The following ZNF330 variants were observed in gnomAD, a reference collection of about 807,000 sequenced individuals.
The protein encoded by ZNF330 is zinc finger protein 330.
A neutral mutation model predicts 45.5 loss-of-function variants in ZNF330; 31 were observed. That is an observed-to-expected ratio of 0.68 (90% confidence interval 0.51 to 0.92). ZNF330 has a LOEUF of 0.92. Among genes scored for constraint, ZNF330 ranks in the 40% least tolerant of loss-of-function variants. ZNF330 has a pLI of 0.00. For missense variants in ZNF330, 356 were observed against 387.4 expected (o/e 0.92, Z 0.68); for synonymous variants, 138 against 123.2 (o/e 1.12, Z -0.79).
At position 141,231,495 on chromosome 4, in the gene ZNF330, T is replaced by C. The variant is rs761162360; in HGVS notation, c.570+10T>C. 1 of 1,582,036 alleles carries C rather than the reference T, an allele frequency of 6.3e-7. No individual in the cohort carries two copies. The highest frequency in any genetic ancestry group is 1.8e-5 in the Admixed American group (1 of 54,720). ...ATGTCTCCGTTGTAAGGTATACCAA[T>C]GCGTTTTTTTCTTTTTAGATTTTGT... On this transcript the variant is annotated intron_variant, in intron 8 of 9. Coordinates refer to ENST00000262990, the MANE Select transcript of ZNF330 (RefSeq NM_014487.6).
chr4:141,226,673 C>T, intron 4 of ZNF330, 94 bp from the exon 5 acceptor site: 1 of 856,624 alleles, frequency 1.2e-6, no homozygotes, highest in Non-Finnish European at 1.9e-6. Flanking sequence ...TAAATTATTT[C>T]CTCAGGAACT....
rs765162775 is a variant in ZNF330 at position 141,231,512 on chromosome 4, A to G, written c.570+27A>G. ...TATACCAATGCGTTTTTTTCTTTTT[A>G]GATTTTGTTTTTAATCTCTATACCC... On this transcript the variant is annotated intron_variant, in intron 8 of 9. Transcript: ENST00000262990. The G allele has an allele frequency of 9.5e-6, 15 of 1,571,372 alleles. No individual in the cohort carries two copies. The East Asian group carries it at 3.5e-4, about 37-fold the overall frequency.
At position 141,234,138 on chromosome 4, in the gene ZNF330, G is replaced by T; in HGVS notation, c.*149G>T. The stretch of plus-strand genomic sequence containing the variant: ...AATGGGCCAAGCAATAGGGTGTAGC[G>T]TTTTTATAGAACTGATAATCAGGCT... On this transcript the variant is annotated 3_prime_UTR_variant, in exon 10 of 10. Transcript: ENST00000262990. 1 of 1,365,764 alleles carries T rather than the reference G, an allele frequency of 7.3e-7. No individual in the cohort carries two copies. The highest frequency in any genetic ancestry group is 9.5e-7 in the Non-Finnish European group (1 of 1,053,622). 84.6% of individuals were successfully genotyped at this position (1,365,764 alleles called of 1,614,324 possible).
intron 4 of ZNF330, among the ~76,000 whole-genome samples, chr4:141,226,300 A>G (rs906625716): frequency 1.3e-5 from 2 of 152,170 alleles, no homozygotes; most frequent in Admixed American, 1.3e-4. Context: ...GATAAGTTAC[A>G]TAATCATTAT....
chr4:141,229,473 A>G, intron 5 of ZNF330, 98 bp from the exon 6 acceptor site: 1 of 1,493,728 alleles, frequency 6.7e-7, no homozygotes, highest in Non-Finnish European at 9.2e-7. Context: ...GGGTTGATAA[A>G]TTGCTAAATG....
At chr4:141,224,723 G>T in intron 4 of ZNF330, 46 bp downstream of exon 4, 1 of 1,545,228 alleles carries the variant, frequency 6.5e-7, no homozygotes, top group Non-Finnish European at 8.9e-7. Flanking sequence ...TCAACTGGTA[G>T]TTCAACAATT....
chr4:141,223,867 C>T (rs972424616), intron 2 of ZNF330: 3 of 448,190 alleles, frequency 6.7e-6, no homozygotes, highest in African/African-American at 6.0e-5. Context: ...AGGCACTTTT[C>T]AGGGAAAAGT....
In ZNF330 at chr4:141,226,863, C is replaced by G. The variant is rs372536779; in HGVS notation, c.291+17C>G. The G allele has an allele frequency of 6.3e-7, 1 of 1,584,020 alleles. No homozygotes were observed. Among genetic ancestry groups the G allele is most frequent in the Non-Finnish European group, 8.6e-7 (1 of 1,159,790 alleles). On this transcript the variant is annotated intron_variant, in intron 5 of 9. Coordinates refer to ENST00000262990, the MANE Select transcript of ZNF330 (RefSeq NM_014487.6). ...GCAATGGTGGTAAGCTTCTTATTATCTCTTAGACTAGTACGTTTTCAAGGA... is the reference window on the plus strand; with the variant it reads ...GCAATGGTGGTAAGCTTCTTATTATGTCTTAGACTAGTACGTTTTCAAGGA...
Position 141,220,897 on chromosome 4 carries a change from TG to T in ZNF330, c.-217del, listed in dbSNP as rs1728654453. ...TATGACGTCAGCCGTAAGGCGCTGC[TG>T]TCGTAAAAGGACGTCCGGTCCGTCT... On this transcript the variant is annotated 5_prime_UTR_variant, in exon 1 of 10. Coordinates refer to ENST00000262990, the MANE Select transcript of ZNF330 (RefSeq NM_014487.6). 1 of 152,288 alleles carries T rather than the reference TG, an allele frequency of 6.6e-6. No homozygotes were observed. The highest frequency in any genetic ancestry group is 2.4e-5 in the African/African-American group (1 of 41,472). The allele number at this position is 152,288 out of a possible 1,614,324, so 9.4% of individuals were successfully genotyped here.
intron 7 of ZNF330, 124 bp downstream of exon 7, chr4:141,230,394 CT>C: frequency 1.8e-6 from 1 of 556,936 alleles, no homozygotes; most frequent in Non-Finnish European, 3.1e-6. Flanking sequence ...TTAACTCAGT[CT>C]TTATTTTCTG....
intron 8 of ZNF330, among the ~76,000 whole-genome samples, chr4:141,231,971 C>T (rs929835217): frequency 7.9e-5 from 12 of 152,076 alleles, no homozygotes; most frequent in Admixed American, 6.6e-5. Flanking sequence ...CAACTCTGTT[C>T]TAGTTTTACC....
In ZNF330 at chr4:141,229,537, A is replaced by G. The variant is rs562742900; in HGVS notation, c.292-34A>G. On this transcript the variant is annotated intron_variant, in intron 5 of 9. Coordinates refer to ENST00000262990, the MANE Select transcript of ZNF330 (RefSeq NM_014487.6). ...AAGAATGGTTGCAGGTGGTCAGGTG[A>G]TAATGATTATGTATTCTTGTTCCTT... 63 of 1,611,420 alleles carry G rather than the reference A, an allele frequency of 3.9e-5. 2 individuals are homozygous for G. In the South Asian group the frequency reaches 5.7e-4, roughly 15 times the overall value.
chr4:141,223,023 G>A (rs976899255), intron 2 of ZNF330: 2 of 152,276 alleles, frequency 1.3e-5, no homozygotes, highest in Non-Finnish European at 2.9e-5. Context: ...GAGTTATTCC[G>A]GTTCTCTCTA....
rs143989262 is a variant in ZNF330, at chr4:141,229,640, G to A, written c.361G>A (p.Ala121Thr). The A allele has an allele frequency of 6.2e-7, 1 of 1,613,068 alleles. No homozygotes were observed. The highest frequency in any genetic ancestry group is 8.5e-7 in the Non-Finnish European group (1 of 1,179,358). Residue 121 changes from alanine (A) to threonine (T), a missense_variant, in exon 6 of 10, where the codon GCC (alanine) becomes ACC (threonine). Physicochemically the swap from Ala to Thr is moderately conservative, Grantham distance 58. Coordinates refer to ENST00000262990, the MANE Select transcript of ZNF330 (RefSeq NM_014487.6). ...GRKCLSTHAC[A>T]CPLTDAECVE... ...GAAATGTCTCAGTACACATGCTTGT[G>A]CCTGCCCTCTTACCGATGCTGAGTG...
In ZNF330 at chr4:141,231,440, T is replaced by C; in HGVS notation, c.525T>C (p.Cys175=). ...CQVLEAETFK[C]VSCNRLGQHS... is the part of the protein sequence containing the mutation. ...TTAAAATTAATCTATTTCCCACAGG[T>C]GTTTCATGCAATCGGCTTGGTCAGC... The change falls in exon 8 of 10, where the codon TGT becomes TGC. Residue 175 remains cysteine (C), a splice_region_variant and synonymous_variant. Transcript: ENST00000262990. 6.3e-7 allele frequency: 1 copy of C among 1,596,264 alleles called. No individual in the cohort carries two copies. Among genetic ancestry groups the C allele is most frequent in the East Asian group, 2.3e-5 (1 of 44,152 alleles).
chr4:141,221,101 C>T lies in ZNF330; in HGVS notation c.-14C>T, dbSNP rs1056051735. The T allele has an allele frequency of 1.3e-5, 2 of 152,270 alleles. No individual in the cohort carries two copies. The highest frequency in any genetic ancestry group is 2.4e-5 in the African/African-American group (1 of 41,468). The allele number at this position is 152,270 out of a possible 1,614,324, so 9.4% of individuals were successfully genotyped here. Reference sequence around the variant, plus strand: ...AAGTGAGCGAGGTTTGCCCGGAGCGCGCACGAGGTAGGGTGTCCCGCGGGC... The same window carrying T: ...AAGTGAGCGAGGTTTGCCCGGAGCGTGCACGAGGTAGGGTGTCCCGCGGGC... On this transcript the variant is annotated 5_prime_UTR_variant, in exon 1 of 10. Coordinates refer to ENST00000262990, the MANE Select transcript of ZNF330 (RefSeq NM_014487.6).
Position 141,233,861 on chromosome 4 carries a change from G to T in ZNF330, c.835G>T (p.Asp279Tyr). ...GGAGGAGGATGAGTATGAAGCAGAG[G>T]ATGATGAAGAGGAAGAAGATGAAGG... ...DEEEDEYEAE[D>Y]DEEEEDEGRK... Residue 279 changes from aspartate to tyrosine, a missense_variant, in exon 10 of 10, where the codon GAT becomes TAT. Physicochemically the swap from Asp to Tyr is radical, Grantham distance 160. Coordinates refer to ENST00000262990, the MANE Select transcript of ZNF330 (RefSeq NM_014487.6). The T allele has an allele frequency of 6.2e-7, 1 of 1,613,694 alleles. No homozygotes were observed. Among genetic ancestry groups the T allele is most frequent in the South Asian group, 1.1e-5 (1 of 91,076 alleles).
chr4:141,229,625 A>G lies in ZNF330; in HGVS notation c.346A>G (p.Ser116Gly), dbSNP rs138246731. Residue 116 changes from serine to glycine, a missense_variant, in exon 6 of 10, where the codon AGT becomes GGT. Transcript: ENST00000262990. ...AWVCHGRKCL[S>G]THACACPLTD... The stretch of plus-strand genomic sequence containing the variant: ...GGTTTGCCATGGTAGGAAATGTCTC[A>G]GTACACATGCTTGTGCCTGCCCTCT... 2.8e-4 allele frequency: 445 copies of G among 1,613,256 alleles called. No individual in the cohort carries two copies. The highest frequency in any genetic ancestry group is 2.6e-3 in the Middle Eastern group (16 of 6,056).
At chr4:141,232,855 G>C (rs1459878647) in intron 9 of ZNF330, among the ~76,000 whole-genome samples, 1 of 151,772 alleles carries the variant, frequency 6.6e-6, no homozygotes, top group East Asian at 1.9e-4. Flanking sequence ...TTTGATATTT[G>C]GTATTTGCCT....
Sources: gnomAD v4.1 joint callset for allele counts (sites outside exome capture counted in the v4.1 genomes callset) on GRCh38, gnomAD v4.1.1 for gene constraint, MANE v1.5 for transcripts, NCBI Gene and HGNC (gene_info 2026-07-23, HGNC 2026-07-21) for gene names.